PLCE1: variants seen among roughly 807,000 people sequenced by gnomAD.
The protein encoded by PLCE1 is phospholipase C epsilon 1, also known as 1-phosphatidylinositol 4,5-bisphosphate phosphodiesterase epsilon-1.
PLCE1 carries 119 observed loss-of-function variants against 242.8 expected under a neutral mutation model. That is an observed-to-expected ratio of 0.49 (90% CI 0.42 to 0.57). The LOEUF (loss-of-function observed/expected upper bound fraction) is 0.57. PLCE1 is among the 20% of genes least tolerant of loss of function. PLCE1 has a pLI of 0.00. For synonymous variants in PLCE1, 945 were observed against 1,017.4 expected, an observed-to-expected ratio of 0.93 and a Z score of 1.35; for missense variants, 2,441 against 2,788.8, an observed-to-expected ratio of 0.88 and a Z score of 2.81.
chr10:94,034,916 T>G (rs767737896), intron 2 of PLCE1, among the ~76,000 whole-genome samples: 1 of 152,200 alleles, frequency 6.6e-6, no homozygotes, highest in Non-Finnish European at 1.5e-5. Context: ...TTAGGAACAT[T>G]TGGGCTGACC....
At chr10:94,093,069 C>A (rs144790260) in intron 2 of PLCE1, among the ~76,000 whole-genome samples, 1 of 152,162 alleles carries the variant, frequency 6.6e-6, no homozygotes, top group Admixed American at 6.5e-5. Flanking sequence ...GACAGGTTGG[C>A]CTTCATCCAA....
chr10:94,008,087 G>A (rs559756888), intron 1 of PLCE1, among the ~76,000 whole-genome samples: 642 of 151,094 alleles, frequency 4.2e-3, no homozygotes, highest in Non-Finnish European at 7.1e-3. Context: ...ACCTACACGA[G>A]AGGCTGAGGT....
intron 1 of PLCE1, among the ~76,000 whole-genome samples, chr10:94,015,906 A>C (rs914213950): frequency 6.6e-6 from 1 of 152,236 alleles, no homozygotes; most frequent in Admixed American, 6.5e-5. Flanking sequence ...CAATTAGAGT[A>C]GTTTTATGGA....
intron 28 of PLCE1, 70 bp downstream of exon 28, chr10:94,313,452 T>C (rs1023754788): frequency 4.1e-5 from 64 of 1,562,304 alleles, no homozygotes; most frequent in Middle Eastern, 1.7e-4. Flanking sequence ...TGTGTATAAA[T>C]GCCTGTGTGT....
At chr10:94,078,185 C>T (rs1241986818) in intron 2 of PLCE1, among the ~76,000 whole-genome samples, 1 of 152,186 alleles carries the variant, frequency 6.6e-6, no homozygotes, top group Non-Finnish European at 1.5e-5. Flanking sequence ...AATTCTAAAG[C>T]TCTTTCAGCT....
chr10:94,234,069 A>T lies in PLCE1; in HGVS notation c.1971A>T (p.Leu657Phe), dbSNP rs776791387. The T allele has an allele frequency of 1.2e-6, 2 of 1,613,736 alleles. No homozygotes were observed. The highest frequency in any genetic ancestry group is 1.3e-5 in the African/African-American group (1 of 74,944). The change falls in exon 6 of 33, where the codon TTA becomes TTT. Residue 657 changes from leucine to phenylalanine, a missense_variant. By Grantham distance (22) the Leu-to-Phe change is conservative (BLOSUM62 0). This residue lies in a region of PLCE1 where 733 missense variants were observed against 754.2 expected (regional missense o/e 0.97). Coordinates refer to ENST00000371380, the MANE Select transcript of PLCE1 (RefSeq NM_016341.4). ...FLAGLRSRKV[L>F]KMWQFMDQSD... The stretch of plus-strand genomic sequence containing the variant: ...CTTGCAATAGGTCAAGAAAAGTTTT[A>T]AAAATGTGGCAGTTCATGGACCAGT...
At position 94,158,399 on chromosome 10, in the gene PLCE1, T is replaced by C. The variant is rs2047498959; in HGVS notation, c.1493-12781T>C. 2.6e-5 allele frequency among the ~76,000 whole-genome samples: 4 copies of C among 152,286 alleles called. No homozygotes were observed. In the South Asian group the frequency reaches 8.3e-4, roughly 32 times the overall value. On this transcript the variant is annotated intron_variant, in intron 3 of 32. Transcript: ENST00000371380. ...TACTGTGTGAATTTTGACTCAAGTA[T>C]TCCTTTTTACCCAATGTAATCAGAA... is the stretch of plus-strand genomic sequence containing the variant.
intron 21 of PLCE1, 41 bp downstream of exon 21, chr10:94,283,952 G>A (rs2133324014): frequency 6.2e-7 from 1 of 1,600,196 alleles, no homozygotes; most frequent in East Asian, 2.3e-5. Flanking sequence ...TTGACCATGT[G>A]GTACTCTTGT....
At position 94,329,461 on chromosome 10, in the gene PLCE1, T is replaced by C. The variant is rs1440693051; in HGVS notation, c.*1518T>C. ...AATAAAACCATCCCCATGTGTTTCT[T>C]GCATATTCTAAAAACAGAAGTGTTA... On this transcript the variant is annotated 3_prime_UTR_variant, in exon 33 of 33. Transcript: ENST00000371380. 6.6e-6 allele frequency: 1 copy of C among 152,198 alleles called. No individual in the cohort carries two copies. 9.4% of individuals were successfully genotyped at this position (152,198 alleles called of 1,614,324 possible). A position where few individuals can be genotyped will look rare whatever the true frequency, so the allele number is the denominator to read the frequency against.
chr10:94,298,785 G>GAA lies in PLCE1; in HGVS notation c.5458+116_5458+117insAA. ...AGACTGGGGCACACCATATGTGAGAGTAAAAATATGATGATGGAAAACAGA... is the reference window on the plus strand; with the variant it reads ...AGACTGGGGCACACCATATGTGAGAGAATAAAAATATGATGATGGAAAACAGA... On this transcript the variant is annotated intron_variant, in intron 24 of 32. Transcript: ENST00000371380. The surrounding 1 kb of genome is among the most constrained non-coding windows in gnomAD (Gnocchi z 5.2). 1 of 1,005,566 alleles carries GAA rather than the reference G, an allele frequency of 9.9e-7. No homozygotes were observed. The highest frequency in any genetic ancestry group is 1.6e-6 in the Non-Finnish European group (1 of 637,694). 62.3% of individuals were successfully genotyped at this position (1,005,566 alleles called of 1,614,324 possible).
intron 3 of PLCE1, among the ~76,000 whole-genome samples, chr10:94,135,423 CT>C (rs1409563684): frequency 2.6e-5 from 4 of 151,944 alleles, no homozygotes; most frequent in Non-Finnish European, 4.4e-5. Flanking sequence ...TGGTTGTGAG[CT>C]TTTTTTTCTT....
chr10:94,318,383 G>A (rs1452791918), intron 29 of PLCE1, among the ~76,000 whole-genome samples: 1 of 152,216 alleles, frequency 6.6e-6, no homozygotes, highest in Non-Finnish European at 1.5e-5. Flanking sequence ...TCTAAGCGAT[G>A]TCAGAAAATC....
At chr10:94,319,367 T>C (rs1041637877) in intron 29 of PLCE1, among the ~76,000 whole-genome samples, 3 of 152,218 alleles carry the variant, frequency 2.0e-5, no homozygotes, top group Non-Finnish European at 2.9e-5. Context: ...AGGGCACTAC[T>C]AGAGGAGACA....
intron 2 of PLCE1, among the ~76,000 whole-genome samples, chr10:94,059,912 G>A (rs896932008): frequency 7.9e-5 from 12 of 152,260 alleles, no homozygotes; most frequent in Non-Finnish European, 1.6e-4. Flanking sequence ...GCTTCTGTTT[G>A]TTAGTTTCTA....
At chr10:94,238,329 A>G (rs184335844) in intron 7 of PLCE1, among the ~76,000 whole-genome samples, 121 of 152,318 alleles carry the variant, frequency 7.9e-4, no homozygotes, top group Middle Eastern at 3.4e-3. Context: ...TGAAATGTCA[A>G]TGGGGTCTTC....
intron 4 of PLCE1, among the ~76,000 whole-genome samples, chr10:94,192,578 C>A (rs538750844): frequency 3.2e-4 from 49 of 152,282 alleles, no homozygotes; most frequent in African/African-American, 1.2e-3. Flanking sequence ...ATCCAATCCA[C>A]CATTGATGGG....
intron 11 of PLCE1, among the ~76,000 whole-genome samples, chr10:94,255,910 ACACACTCT>A (rs1330554907): frequency 4.3e-5 from 4 of 91,968 alleles, no homozygotes; most frequent in Non-Finnish European, 6.8e-5. Context: ...ACACACACAC[ACACACTCT>A]CTCTCTCTCT....
chr10:94,034,560 G>A (rs2061626922), intron 2 of PLCE1, among the ~76,000 whole-genome samples: 2 of 152,172 alleles, frequency 1.3e-5, no homozygotes, highest in Non-Finnish European at 2.9e-5. Flanking sequence ...AAATTCAGAG[G>A]AAGCTTTTAA....
At chr10:94,289,457 T>G (rs2052572269) in intron 22 of PLCE1, among the ~76,000 whole-genome samples, 1 of 152,226 alleles carries the variant, frequency 6.6e-6, no homozygotes, top group Non-Finnish European at 1.5e-5. Flanking sequence ...ATTCTGAGAA[T>G]GCTTCATTAG....
Sources: gnomAD v4.1 joint callset for allele counts (sites outside exome capture counted in the v4.1 genomes callset) on GRCh38, gnomAD v4.1.1 for gene constraint, gnomAD v4.1.1 regional missense constraint, Gnocchi (gnomAD v3.1) non-coding constraint, MANE v1.5 for transcripts, NCBI Gene and HGNC (gene_info 2026-07-23, HGNC 2026-07-21) for gene names.